ST18: variants seen among roughly 807,000 people sequenced by gnomAD.
ST18 encodes the protein ST18 C2H2C-type zinc finger transcription factor, also known as suppression of tumorigenicity 18 protein.
A neutral mutation model predicts 110.0 loss-of-function variants in ST18; 50 were observed. That is an observed-to-expected ratio of 0.45 (90% CI 0.36 to 0.58). The LOEUF (loss-of-function observed/expected upper bound fraction) is 0.58, where lower values mean the gene tolerates loss of function less well. Ranked by LOEUF, ST18 falls within the 20% of genes least tolerant of loss-of-function variation. The probability of loss-of-function intolerance (pLI) is 0.00; values close to 1 mark genes in which losing one functional copy is unlikely to be tolerated. For synonymous variants in ST18, 461 were observed against 452.4 expected, an observed-to-expected ratio of 1.02 and a Z score of -0.24; for missense variants, 1,306 against 1,280.1, an observed-to-expected ratio of 1.02 and a Z score of -0.31.
intron 2 of ST18, among the ~76,000 whole-genome samples, chr8:52,364,040 T>C (rs1361735852): frequency 2.0e-5 from 3 of 152,224 alleles, no homozygotes; most frequent in African/African-American, 7.2e-5. Flanking sequence ...ATTACATTAT[T>C]CCAGTTCTAG....
At chr8:52,168,244 A>G (rs1427736884) in intron 10 of ST18, among the ~76,000 whole-genome samples, 1 of 148,058 alleles carries the variant, frequency 6.8e-6, no homozygotes, top group African/African-American at 2.5e-5. Context: ...CTCAGGAATA[A>G]TGAGCACACT....
chr8:52,250,123 G>T (rs2094171790), intron 2 of ST18, among the ~76,000 whole-genome samples: 2 of 152,034 alleles, frequency 1.3e-5, no homozygotes, highest in Admixed American at 1.3e-4. Context: ...AAGTATCAGA[G>T]AGAGTTCTAT....
intron 2 of ST18, among the ~76,000 whole-genome samples, chr8:52,315,648 C>G (rs1400288540): frequency 2.0e-5 from 3 of 152,170 alleles, no homozygotes; most frequent in Non-Finnish European, 4.4e-5. Flanking sequence ...TCCTTTGTTC[C>G]TGATACCAAA....
intron 2 of ST18, among the ~76,000 whole-genome samples, chr8:52,321,298 C>A (rs950678959): frequency 2.0e-5 from 3 of 152,238 alleles, no homozygotes; most frequent in Admixed American, 2.0e-4. Context: ...GAAATAAGAT[C>A]TAAAGAAATT....
At chr8:52,257,842 A>G (rs2094571615) in intron 2 of ST18, among the ~76,000 whole-genome samples, 1 of 152,100 alleles carries the variant, frequency 6.6e-6, no homozygotes, top group African/African-American at 2.4e-5. Context: ...GTCATAGCTA[A>G]GAAACTATTG....
At chr8:52,347,268 A>G (rs1818195406) in intron 2 of ST18, among the ~76,000 whole-genome samples, 1 of 152,230 alleles carries the variant, frequency 6.6e-6, no homozygotes, top group Admixed American at 6.5e-5. Context: ...TTACTGTAAA[A>G]GCAGGAAAAG....
intron 16 of ST18, among the ~76,000 whole-genome samples, chr8:52,148,712 G>T (rs2058044106): frequency 6.9e-6 from 1 of 145,276 alleles, no homozygotes; most frequent in South Asian, 2.3e-4. Flanking sequence ...GAGGGGAGGG[G>T]AGGGGAGGGG....
intron 24 of ST18, 81 bp from the exon 25 acceptor site, chr8:52,116,499 C>T: frequency 7.2e-7 from 1 of 1,390,512 alleles, no homozygotes; most frequent in Non-Finnish European, 9.8e-7. Context: ...GAAAATGCAC[C>T]AAGTGCATCT....
chr8:52,340,321 T>A (rs1814295995), intron 2 of ST18, among the ~76,000 whole-genome samples: 1 of 152,224 alleles, frequency 6.6e-6, no homozygotes, highest in Non-Finnish European at 1.5e-5. Flanking sequence ...CTGGCACATT[T>A]CACTGGTGTA....
intron 2 of ST18, among the ~76,000 whole-genome samples, chr8:52,400,912 G>A (rs1842647299): frequency 6.6e-6 from 1 of 151,964 alleles, no homozygotes; most frequent in African/African-American, 2.4e-5. Flanking sequence ...ACCTCTACTG[G>A]CGAGTTTTAT....
At chr8:52,388,336 C>T (rs186484948) in intron 2 of ST18, among the ~76,000 whole-genome samples, 90 of 151,988 alleles carry the variant, frequency 5.9e-4, no homozygotes, top group African/African-American at 2.2e-3. Flanking sequence ...CCACCCACAC[C>T]CAACGTGAGT....
intron 2 of ST18, among the ~76,000 whole-genome samples, chr8:52,399,489 T>TC (rs1842208366): frequency 6.7e-6 from 1 of 150,370 alleles, no homozygotes; most frequent in Non-Finnish European, 1.5e-5. Flanking sequence ...CAGTTGTTAC[T>TC]CTTTTTTTTT....
At chr8:52,239,766 C>A (rs1043489953) in intron 2 of ST18, among the ~76,000 whole-genome samples, 1 of 151,982 alleles carries the variant, frequency 6.6e-6, no homozygotes, top group Non-Finnish European at 1.5e-5. Flanking sequence ...TTATAGGACC[C>A]CAGATGGGAG....
At chr8:52,389,763 G>A (rs751369910) in intron 2 of ST18, among the ~76,000 whole-genome samples, 1 of 152,206 alleles carries the variant, frequency 6.6e-6, no homozygotes, top group Non-Finnish European at 1.5e-5. Flanking sequence ...GGTCCCCTGG[G>A]TCACAGGAAG....
chr8:52,176,726 A>T (rs955288720), intron 9 of ST18, among the ~76,000 whole-genome samples: 1 of 152,244 alleles, frequency 6.6e-6, no homozygotes, highest in South Asian at 2.1e-4. Context: ...CCCGGCATAG[A>T]TGTTGGCTGT....
intron 23 of ST18, among the ~76,000 whole-genome samples, chr8:52,122,503 G>A (rs1159111495): frequency 1.3e-5 from 2 of 151,032 alleles, no homozygotes; most frequent in South Asian, 2.1e-4. Context: ...TTATTTTTTA[G>A]ATGGAGTCTC....
chr8:52,404,087 C>T lies in ST18; in HGVS notation c.-465+5241G>A, dbSNP rs183061781. ...ATCAATTCTGAATAAGATCTATTGC[C>T]GCCTTGCCATGAACAATGAAAAATA... On this transcript the variant is annotated intron_variant, in intron 2 of 25. Coordinates refer to ENST00000689386, the MANE Select transcript of ST18 (RefSeq NM_001352837.2). 1.1e-4 allele frequency: 17 copies of T among 152,184 alleles called. 1 individual carries two copies. The highest frequency in any genetic ancestry group is 3.1e-4 in the African/African-American group (13 of 41,518). The allele number at this position is 152,184 out of a possible 1,614,324, so 9.4% of individuals were successfully genotyped here.
intron 2 of ST18, among the ~76,000 whole-genome samples, chr8:52,336,695 G>C (rs537170191): frequency 6.6e-6 from 1 of 152,196 alleles, no homozygotes; most frequent in African/African-American, 2.4e-5. Context: ...GTGACGTCTT[G>C]CTTCCTAGCT....
intron 2 of ST18, among the ~76,000 whole-genome samples, chr8:52,390,718 T>C (rs1839020136): frequency 6.6e-6 from 1 of 152,078 alleles, no homozygotes; most frequent in Admixed American, 6.5e-5. Context: ...GACGTGGGCT[T>C]CTCCCCACAC....
Sources: gnomAD v4.1 joint callset for allele counts (sites outside exome capture counted in the v4.1 genomes callset) on GRCh38, gnomAD v4.1.1 for gene constraint, MANE v1.5 for transcripts, NCBI Gene and HGNC (gene_info 2026-07-23, HGNC 2026-07-21) for gene names.